Variants in SULF1 observed in about 807,000 individuals in gnomAD.
SULF1 encodes sulfatase 1, also known as extracellular sulfatase Sulf-1.
SULF1 carries 46 observed loss-of-function variants against 110.5 expected under a neutral mutation model. That is an observed-to-expected ratio of 0.42 (90% CI 0.33 to 0.53). SULF1 has a LOEUF of 0.53. SULF1 is among the 20% of genes least tolerant of loss of function. The pLI is 0.12. For missense variants in SULF1, 941 were observed against 1,094.2 expected (o/e 0.86, Z 1.98); for synonymous variants, 371 against 387.1 (o/e 0.96, Z 0.49).
Position 69,590,310 on chromosome 8 carries a change from C to T in SULF1, c.734+1169C>T, listed in dbSNP as rs189065206. On this transcript the variant is annotated intron_variant, in intron 8 of 22. Coordinates refer to ENST00000402687, the MANE Select transcript of SULF1 (RefSeq NM_001128205.2). ...CTGAGGAGCTGGGACTACAGGCACA[C>T]GCCACCACACCTGGCTAATTTTTTG... 3.2e-3 allele frequency among the ~76,000 whole-genome samples: 494 copies of T among 152,216 alleles called. 2 individuals carry two copies. Among genetic ancestry groups the T allele is most frequent in the African/African-American group, 0.011 (454 of 41,532 alleles).
At chr8:69,631,736 C>T (rs1398311947) in intron 19 of SULF1, among the ~76,000 whole-genome samples, 2 of 152,230 alleles carry the variant, frequency 1.3e-5, no homozygotes, top group Admixed American at 1.3e-4. Flanking sequence ...CTTGTTTCCC[C>T]TCCCTGGAAG....
chr8:69,560,408 C>A (rs916663269), intron 3 of SULF1, among the ~76,000 whole-genome samples: 5 of 152,030 alleles, frequency 3.3e-5, no homozygotes, highest in African/African-American at 1.2e-4. Context: ...CTTGACGGCC[C>A]TAAGCCACCC....
At chr8:69,644,830 G>A (rs1278257327) in intron 22 of SULF1, among the ~76,000 whole-genome samples, 1 of 151,734 alleles carries the variant, frequency 6.6e-6, no homozygotes, top group African/African-American at 2.4e-5. Flanking sequence ...CTCTTGAGAT[G>A]AGAAGAACAA....
At chr8:69,634,585 A>G (rs1192345438) in intron 19 of SULF1, among the ~76,000 whole-genome samples, 1 of 152,098 alleles carries the variant, frequency 6.6e-6, no homozygotes, top group African/African-American at 2.4e-5. Context: ...CCTGGGCAAC[A>G]TGGTGAAACC....
chr8:69,541,850 A>G (rs1813877237), intron 3 of SULF1, among the ~76,000 whole-genome samples: 1 of 152,236 alleles, frequency 6.6e-6, no homozygotes, highest in Non-Finnish European at 1.5e-5. Flanking sequence ...AAAAAAAGGA[A>G]TAAAGATGGA....
intron 3 of SULF1, among the ~76,000 whole-genome samples, chr8:69,536,651 G>A (rs1439521317): frequency 6.6e-6 from 1 of 152,146 alleles, no homozygotes; most frequent in African/African-American, 2.4e-5. Flanking sequence ...AAATTACTAA[G>A]GATGGAGCCC....
intron 13 of SULF1, among the ~76,000 whole-genome samples, chr8:69,611,257 C>T (rs1808630190): frequency 6.6e-6 from 1 of 152,210 alleles, no homozygotes; most frequent in Admixed American, 6.5e-5. Context: ...TCAACAAATG[C>T]TGGTTGTCAA....
chr8:69,586,644 A>G, intron 7 of SULF1, 136 bp downstream of exon 7: 1 of 1,028,372 alleles, frequency 9.7e-7, no homozygotes, highest in Non-Finnish European at 1.4e-6. Context: ...TGTTAAGGTA[A>G]TTTTAAACTC....
At chr8:69,618,191 C>G (rs1370910575) in intron 13 of SULF1, among the ~76,000 whole-genome samples, 2 of 152,242 alleles carry the variant, frequency 1.3e-5, no homozygotes, top group African/African-American at 4.8e-5. Flanking sequence ...TAAATCATCT[C>G]TAACTTAGTC....
chr8:69,641,992 C>T (rs951959959), intron 22 of SULF1, among the ~76,000 whole-genome samples: 1 of 151,964 alleles, frequency 6.6e-6, no homozygotes, highest in Non-Finnish European at 1.5e-5. Context: ...GGTCTGCCAC[C>T]CGAAGCAGCT....
At chr8:69,655,947 C>T (rs1216466746) in intron 22 of SULF1, among the ~76,000 whole-genome samples, 1 of 152,130 alleles carries the variant, frequency 6.6e-6, no homozygotes, top group African/African-American at 2.4e-5. Flanking sequence ...TAAATGTGCA[C>T]CCTCTATATT....
chr8:69,521,810 A>T (rs1428779332), intron 3 of SULF1, among the ~76,000 whole-genome samples: 4 of 151,266 alleles, frequency 2.6e-5, no homozygotes, highest in Non-Finnish European at 5.9e-5. Context: ...TCTATCTATC[A>T]TGTTGTGGGT....
At chr8:69,637,003 T>C (rs1811088131) in intron 19 of SULF1, among the ~76,000 whole-genome samples, 1 of 152,186 alleles carries the variant, frequency 6.6e-6, no homozygotes, top group South Asian at 2.1e-4. Flanking sequence ...GCCACTGAGC[T>C]GTTCATCGCA....
intron 22 of SULF1, among the ~76,000 whole-genome samples, chr8:69,643,007 T>C (rs902396675): frequency 6.6e-6 from 1 of 152,154 alleles, no homozygotes; most frequent in Admixed American, 6.5e-5. Context: ...TTGCTTTTTT[T>C]TTCCCCCTTC....
chr8:69,626,504 G>C (rs1810041438), intron 15 of SULF1, among the ~76,000 whole-genome samples: 1 of 152,262 alleles, frequency 6.6e-6, no homozygotes, highest in Non-Finnish European at 1.5e-5. Context: ...CCCTTGGGTG[G>C]TCGATGGGAC....
chr8:69,642,671 G>T (rs1273843828), intron 22 of SULF1, among the ~76,000 whole-genome samples: 1 of 152,140 alleles, frequency 6.6e-6, no homozygotes, highest in Non-Finnish European at 1.5e-5. Flanking sequence ...ATTTTATGAG[G>T]CACTCAATTT....
At position 69,621,094 on chromosome 8, in the gene SULF1, C is replaced by A. The variant is rs779615232; in HGVS notation, c.1437C>A (p.Pro479=). ...GKLRIHKCKG[P]SDLLTVRQST... is the part of the protein sequence containing the mutation. The stretch of plus-strand genomic sequence containing the variant: ...TTCGAATTCACAAGTGTAAAGGACC[C>A]AGTGACCTGCTCACAGTCCGGCAGA... Residue 479 remains proline (P), a synonymous_variant, in exon 14 of 23, where the codon CCC becomes CCA. Coordinates refer to ENST00000402687, the MANE Select transcript of SULF1 (RefSeq NM_001128205.2). The A allele has an allele frequency of 1.9e-5, 30 of 1,614,068 alleles. No individual in the cohort carries two copies. Among genetic ancestry groups the A allele is most frequent in the Non-Finnish European group, 2.5e-5 (30 of 1,179,930 alleles).
chr8:69,592,445 A>G (rs1806975402), intron 8 of SULF1, among the ~76,000 whole-genome samples: 1 of 152,202 alleles, frequency 6.6e-6, no homozygotes, highest in Non-Finnish European at 1.5e-5. Flanking sequence ...TGAACCTTCT[A>G]TTGCCCTTAT....
chr8:69,487,883 G>A (rs904033887), upstream of SULF1, among the ~76,000 whole-genome samples: 3 of 152,096 alleles, frequency 2.0e-5, no homozygotes, highest in Admixed American at 6.5e-5. Context: ...AACGTGTGTC[G>A]AAAAGCATGT....
Sources: allele counts gnomAD v4.1 joint callset (sites outside exome capture counted in the v4.1 genomes callset), GRCh38; gene constraint gnomAD v4.1.1; transcripts MANE v1.5; gene names NCBI Gene and HGNC (gene_info 2026-07-23, HGNC 2026-07-21).